Variants in NCOA1 observed in about 807,000 individuals in gnomAD.
NCOA1 encodes the protein nuclear receptor coactivator 1.
NCOA1 carries 35 observed loss-of-function variants against 150.9 expected under a neutral mutation model. That is an observed-to-expected ratio of 0.23 (90% CI 0.18 to 0.31). The LOEUF is 0.31. Ranked by LOEUF, NCOA1 falls within the 10% of genes least tolerant of loss-of-function variation. NCOA1 has a pLI of 1.00. For synonymous variants in NCOA1, 590 were observed against 630.0 expected (o/e 0.94, Z 0.95); for missense variants, 1,491 against 1,749.3 (o/e 0.85, Z 2.63).
chr2:24,553,728 G>A (rs984919617), intron 1 of NCOA1, among the ~76,000 whole-genome samples: 11 of 152,160 alleles, frequency 7.2e-5, no homozygotes, highest in African/African-American at 2.7e-4. Context: ...ATCAAAGTAT[G>A]ATGGTCTGTA....
chr2:24,761,957 G>A (rs908139686), intron 21 of NCOA1, among the ~76,000 whole-genome samples: 1 of 152,248 alleles, frequency 6.6e-6, no homozygotes, highest in Non-Finnish European at 1.5e-5. Context: ...CTATTCAGGT[G>A]ATTGTTTCCC....
chr2:24,740,758 C>A (rs1663561872), intron 18 of NCOA1, among the ~76,000 whole-genome samples: 3 of 152,162 alleles, frequency 2.0e-5, no homozygotes, highest in Admixed American at 1.3e-4. Flanking sequence ...GGAAACAAGA[C>A]CCCACTTTTG....
At chr2:24,732,085 G>GGTCT (rs570343617) in intron 17 of NCOA1, among the ~76,000 whole-genome samples, 3 of 152,148 alleles carry the variant, frequency 2.0e-5, no homozygotes, top group African/African-American at 7.2e-5. Flanking sequence ...CCAGACCAAG[G>GGTCT]GTCTAGGTCA....
chr2:24,693,342 C>G lies in NCOA1; in HGVS notation c.803C>G (p.Thr268Ser). 1 of 1,612,498 alleles carries G rather than the reference C, an allele frequency of 6.2e-7. No individual in the cohort carries two copies. The highest frequency in any genetic ancestry group is 8.5e-7 in the Non-Finnish European group (1 of 1,178,510). The change falls in exon 10 of 23, where the codon ACT (threonine) becomes AGT (serine). Residue 268 changes from threonine to serine, a missense_variant. By Grantham distance (58) the Thr-to-Ser change is moderately conservative. Transcript: ENST00000348332. ...GAATCCTTTATGACCAAGCAAGATA[C>G]TACAGGTACTAATTGTAAAGTTCAG... is the stretch of plus-strand genomic sequence containing the variant. ...GVESFMTKQDTTGKIISIDTS... is the reference protein window; with the variant it reads ...GVESFMTKQDSTGKIISIDTS...
chr2:24,542,854 T>A (rs994429091), intron 1 of NCOA1, among the ~76,000 whole-genome samples: 2 of 152,232 alleles, frequency 1.3e-5, no homozygotes, highest in Non-Finnish European at 2.9e-5. Context: ...TAAACTTGAT[T>A]TAACAGATTA....
At chr2:24,513,296 A>G (rs535575595) in intron 1 of NCOA1, among the ~76,000 whole-genome samples, 2 of 152,330 alleles carry the variant, frequency 1.3e-5, no homozygotes, top group Non-Finnish European at 2.9e-5. Flanking sequence ...CCCAGAGGAA[A>G]CATTGTTCTG....
intron 1 of NCOA1, among the ~76,000 whole-genome samples, chr2:24,516,932 G>A (rs866345063): frequency 1.7e-5 from 1 of 59,196 alleles, no homozygotes; most frequent in Non-Finnish European, 4.1e-5. Context: ...GCGCGCGTGT[G>A]TATATATATA....
Position 24,610,353 on chromosome 2 carries a change from G to T in NCOA1, c.-175+25793G>T, listed in dbSNP as rs993173554. Among the ~76,000 whole-genome samples the T allele has an allele frequency of 5.3e-5, 8 of 151,764 alleles. No individual in the cohort carries two copies. The South Asian group carries it at 1.0e-3, about 20-fold the overall frequency. ...AGACAGGGTTTTACCGTGTTAGCCAGGATGGTCTTGATCTTCTGACCTCGT... is the reference window on the plus strand; with the variant it reads ...AGACAGGGTTTTACCGTGTTAGCCATGATGGTCTTGATCTTCTGACCTCGT... On this transcript the variant is annotated intron_variant, in intron 3 of 22. Coordinates refer to ENST00000348332, the MANE Select transcript of NCOA1 (RefSeq NM_003743.5).
chr2:24,574,167 T>C (rs1203480265), intron 2 of NCOA1, among the ~76,000 whole-genome samples: 1 of 152,006 alleles, frequency 6.6e-6, no homozygotes, highest in Non-Finnish European at 1.5e-5. Context: ...AAAGCAGATA[T>C]AAGAATAGAA....
rs887279390 is a variant in NCOA1 at position 24,742,985 on chromosome 2, T to C, written c.3706+799T>C. 3.3e-5 allele frequency among the ~76,000 whole-genome samples: 5 copies of C among 152,348 alleles called. No homozygotes were observed. In the East Asian group the frequency reaches 9.6e-4, roughly 29 times the overall value. ...TTTCTGGCTTCCAAAAGCTTTTTTC[T>C]TTTTTAGTCTTTCTTTGGCACTGTC... is the stretch of plus-strand genomic sequence containing the variant. On this transcript the variant is annotated intron_variant, in intron 19 of 22. Transcript: ENST00000348332.
rs1666967476 is a variant in NCOA1 at position 24,576,170 on chromosome 2, G to GTTTTTGTTTTTTTTTTTTTT, written c.-259-8301_-259-8300insGTTTTTTTTTTTTTTTTTTT. Among the ~76,000 whole-genome samples, 37 of 46,284 alleles carry GTTTTTGTTTTTTTTTTTTTT rather than the reference G, an allele frequency of 8.0e-4. 1 individual carries two copies. Among genetic ancestry groups the GTTTTTGTTTTTTTTTTTTTT allele is most frequent in the African/African-American group, 2.3e-3 (36 of 15,690 alleles). 30.4% of individuals were successfully genotyped at this position (46,284 alleles called of 152,430 possible). On this transcript the variant is annotated intron_variant, in intron 2 of 22. Transcript: ENST00000348332. ...CTTTGTTTTTTTTTTTTTGTTTTTT[G>GTTTTTGTTTTTTTTTTTTTT]TTTTTTTTTTTTTTTTTTTTTGTTT...
At chr2:24,625,411 C>T (rs1346602213) in intron 3 of NCOA1, among the ~76,000 whole-genome samples, 1 of 149,496 alleles carries the variant, frequency 6.7e-6, no homozygotes, top group Admixed American at 6.6e-5. Context: ...AGAATGTGTT[C>T]ATGGCCACAT....
At chr2:24,737,805 C>T (rs560414931) in intron 17 of NCOA1, among the ~76,000 whole-genome samples, 2 of 152,314 alleles carry the variant, frequency 1.3e-5, no homozygotes, top group South Asian at 2.1e-4. Flanking sequence ...CAATAGGGAA[C>T]GGAACTCCTA....
At chr2:24,733,140 A>C (rs1464166012) in intron 17 of NCOA1, among the ~76,000 whole-genome samples, 1 of 152,208 alleles carries the variant, frequency 6.6e-6, no homozygotes, top group Non-Finnish European at 1.5e-5. Context: ...GCGGGTTGGC[A>C]ATAACAGTGC....
At chr2:24,665,962 A>G in intron 6 of NCOA1, 47 bp downstream of exon 6, 1 of 1,177,736 alleles carries the variant, frequency 8.5e-7, no homozygotes, top group Non-Finnish European at 1.1e-6. Context: ...TGTTATTAAG[A>G]CATTTATAAT....
At chr2:24,759,924 T>C (rs1338385164) in intron 21 of NCOA1, among the ~76,000 whole-genome samples, 1 of 151,828 alleles carries the variant, frequency 6.6e-6, no homozygotes, top group Non-Finnish European at 1.5e-5. Flanking sequence ...ATTTTTTCTT[T>C]AGTCAATTAT....
chr2:24,578,868 C>T (rs1373390939), intron 2 of NCOA1, among the ~76,000 whole-genome samples: 1 of 152,152 alleles, frequency 6.6e-6, no homozygotes, highest in East Asian at 1.9e-4. Context: ...TGAAGACAAC[C>T]TAATTGGCCA....
intron 2 of NCOA1, among the ~76,000 whole-genome samples, chr2:24,565,880 G>A (rs183489680): frequency 6.6e-6 from 1 of 152,282 alleles, no homozygotes; most frequent in East Asian, 1.9e-4. Context: ...AGCTTCCCTG[G>A]CTGGCACCAG....
intron 21 of NCOA1, among the ~76,000 whole-genome samples, chr2:24,759,464 G>T (rs1020362487): frequency 1.3e-5 from 2 of 152,154 alleles, no homozygotes; most frequent in Non-Finnish European, 2.9e-5. Flanking sequence ...TTTTTGATAT[G>T]TTGCATGCCA....
Sources: gnomAD v4.1 joint callset for allele counts (sites outside exome capture counted in the v4.1 genomes callset) on GRCh38, gnomAD v4.1.1 for gene constraint, MANE v1.5 for transcripts, NCBI Gene and HGNC (gene_info 2026-07-23, HGNC 2026-07-21) for gene names.